SCEL: variants seen among roughly 807,000 people sequenced by gnomAD.
SCEL encodes sciellin.
In SCEL, 113 loss-of-function variants were observed where a neutral mutation model predicts 117.6. The ratio of observed to expected loss-of-function variants is 0.96; its 90% CI spans 0.83 to 1.12. SCEL has a LOEUF of 1.12. Ranked by LOEUF, SCEL falls within the 50% of genes most tolerant of loss-of-function variation. The probability of loss-of-function intolerance (pLI) is 0.00; values close to 1 mark genes in which losing one functional copy is unlikely to be tolerated. For synonymous variants in SCEL, 270 were observed against 256.2 expected (o/e 1.05, Z -0.51); for missense variants, 785 against 810.8 (o/e 0.97, Z 0.39).
At chr13:77,640,018 G>T (rs973523461) in intron 30 of SCEL, among the ~76,000 whole-genome samples, 1 of 152,014 alleles carries the variant, frequency 6.6e-6, no homozygotes, top group Non-Finnish European at 1.5e-5. Flanking sequence ...TTTAGTATTT[G>T]TTATTTAATA....
intron 1 of SCEL, among the ~76,000 whole-genome samples, chr13:77,553,698 CTA>C: frequency 6.6e-6 from 1 of 152,008 alleles, no homozygotes; most frequent in Admixed American, 6.6e-5. Context: ...CATACGTCTC[CTA>C]TGTCTTTGCT....
intron 11 of SCEL, 25 bp downstream of exon 11, chr13:77,591,485 A>G (rs747523311): frequency 3.9e-6 from 5 of 1,275,154 alleles, no homozygotes; most frequent in East Asian, 2.3e-5. Context: ...ATTTATATCT[A>G]TGTAACTGTA....
intron 10 of SCEL, among the ~76,000 whole-genome samples, chr13:77,589,558 A>G (rs1373717935): frequency 6.6e-6 from 1 of 152,216 alleles, no homozygotes; most frequent in Non-Finnish European, 1.5e-5. Context: ...CATGTATCAC[A>G]TATAATATAC....
intron 5 of SCEL, 103 bp from the exon 6 acceptor site, chr13:77,567,577 A>C: frequency 9.0e-6 from 7 of 779,590 alleles, no homozygotes; most frequent in East Asian, 2.6e-5. Context: ...TCTCTTTACT[A>C]GAGAAAGGCT....
intron 4 of SCEL, among the ~76,000 whole-genome samples, chr13:77,561,063 T>A (rs764093988): frequency 4.6e-5 from 7 of 152,238 alleles, no homozygotes; most frequent in African/African-American, 7.2e-5. Context: ...TGTTCTGTGA[T>A]CTGGCAGACT....
chr13:77,597,955 G>A (rs1324953710), intron 13 of SCEL, among the ~76,000 whole-genome samples: 1 of 150,638 alleles, frequency 6.6e-6, no homozygotes, highest in Non-Finnish European at 1.5e-5. Flanking sequence ...CATAGTTAAT[G>A]TTATATTGTT....
chr13:77,608,157 C>A (rs749522048), intron 20 of SCEL, 42 bp downstream of exon 20: 7 of 1,455,612 alleles, frequency 4.8e-6, no homozygotes, highest in Non-Finnish European at 6.7e-6. Context: ...CCTTCCCCAT[C>A]CATTTGTGGC....
chr13:77,637,564 C>G (rs1158578443), intron 30 of SCEL, among the ~76,000 whole-genome samples: 4 of 152,004 alleles, frequency 2.6e-5, no homozygotes, highest in Non-Finnish European at 1.5e-5. Flanking sequence ...CTGGCTGTTG[C>G]TGCTGTCTGA....
At chr13:77,611,700 C>A (rs1319819669) in intron 22 of SCEL, among the ~76,000 whole-genome samples, 1 of 152,138 alleles carries the variant, frequency 6.6e-6, no homozygotes, top group Non-Finnish European at 1.5e-5. Flanking sequence ...CTTCAGAGAA[C>A]CTTTTGCTAG....
Position 77,568,198 on chromosome 13 carries a change from G to GTC in SCEL, c.360-95_360-94dup, listed in dbSNP as rs2085391914. The GTC allele has an allele frequency of 4.1e-6, 3 of 738,390 alleles. No individual in the cohort carries two copies. The Admixed American group carries it at 7.8e-5, about 19-fold the overall frequency. The allele number at this position is 738,390 out of a possible 1,614,324, so 45.7% of individuals were successfully genotyped here. ...CTTTCTATTTCTTTCTCTCACCAGT[G>GTC]TCTAACTTTTAAAACTCTAAATTCA... On this transcript the variant is annotated intron_variant, in intron 6 of 32. Coordinates refer to ENST00000349847, the MANE Select transcript of SCEL (RefSeq NM_144777.3).
intron 3 of SCEL, among the ~76,000 whole-genome samples, chr13:77,557,809 G>A (rs1410152514): frequency 1.3e-5 from 2 of 152,144 alleles, no homozygotes; most frequent in African/African-American, 4.8e-5. Flanking sequence ...CAAACCCAAA[G>A]TGTCAATAGT....
intron 27 of SCEL, among the ~76,000 whole-genome samples, chr13:77,623,747 A>G (rs2089554835): frequency 1.3e-5 from 2 of 152,202 alleles, no homozygotes; most frequent in South Asian, 4.1e-4. Flanking sequence ...AAAGAGGTTG[A>G]GCGACAGGTG....
At chr13:77,586,430 T>G (rs2086569074) in intron 9 of SCEL, among the ~76,000 whole-genome samples, 1 of 152,060 alleles carries the variant, frequency 6.6e-6, no homozygotes, top group African/African-American at 2.4e-5. Context: ...CAATCACCAG[T>G]CCATTAATTC....
intron 19 of SCEL, among the ~76,000 whole-genome samples, chr13:77,605,947 A>AC (rs913775838): frequency 6.6e-6 from 1 of 152,166 alleles, no homozygotes; most frequent in African/African-American, 2.4e-5. Context: ...AGATGGTGCC[A>AC]CCACCACTCC....
chr13:77,616,815 G>A (rs1015555150), intron 24 of SCEL, among the ~76,000 whole-genome samples: 3 of 151,054 alleles, frequency 2.0e-5, no homozygotes, highest in Admixed American at 6.6e-5. Flanking sequence ...TGTGGTGAGA[G>A]GTACATCTAG....
chr13:77,635,461 T>A (rs576246696), intron 29 of SCEL, among the ~76,000 whole-genome samples: 1 of 152,212 alleles, frequency 6.6e-6, no homozygotes, highest in Non-Finnish European at 1.5e-5. Flanking sequence ...ATAGGCTTTT[T>A]TTCTATATTT....
intron 1 of SCEL, among the ~76,000 whole-genome samples, chr13:77,543,326 G>C (rs185231209): frequency 2.4e-4 from 37 of 151,424 alleles, no homozygotes. Context: ...CTCGTGATCC[G>C]CCCGCCTCGG....
Position 77,610,116 on chromosome 13 carries a change from A to T in SCEL, c.1337+10A>T. The stretch of plus-strand genomic sequence containing the variant: ...ACAGAACTAACCAAGGGTAAGGTTT[A>T]TGGAACTCTCTATTTCTCCCCCCTT... On this transcript the variant is annotated intron_variant, in intron 22 of 32. Transcript: ENST00000349847. The T allele has an allele frequency of 1.3e-6, 2 of 1,590,496 alleles. No homozygotes were observed. Among genetic ancestry groups the T allele is most frequent in the Non-Finnish European group, 1.7e-6 (2 of 1,164,264 alleles).
At chr13:77,617,501 A>G in intron 24 of SCEL, 98 bp from the exon 25 acceptor site, 3 of 676,232 alleles carry the variant, frequency 4.4e-6, no homozygotes, top group Non-Finnish European at 7.6e-6. Flanking sequence ...TACTAAAATA[A>G]TATGTCTCAT....
Sources: gnomAD v4.1 joint callset for allele counts (sites outside exome capture counted in the v4.1 genomes callset) on GRCh38, gnomAD v4.1.1 for gene constraint, MANE v1.5 for transcripts, NCBI Gene and HGNC (gene_info 2026-07-23, HGNC 2026-07-21) for gene names.